The following ELAPOR2 variants were observed in gnomAD, a reference collection of about 807,000 sequenced individuals.
ELAPOR2 encodes endosome/lysosome-associated apoptosis and autophagy regulator family member 2.
Under a neutral mutation model 120.7 loss-of-function variants are expected in ELAPOR2, and 89 were observed. That is an observed-to-expected ratio of 0.74 (90% confidence interval 0.62 to 0.88). The LOEUF (loss-of-function observed/expected upper bound fraction) is 0.88. Among genes scored for constraint, ELAPOR2 ranks in the 40% least tolerant of loss-of-function variants. The probability of loss-of-function intolerance (pLI) is 0.00; values close to 1 mark genes in which losing one functional copy is unlikely to be tolerated. For synonymous variants in ELAPOR2, 444 were observed against 444.9 expected, an observed-to-expected ratio of 1.00 and a Z score of 0.03; for missense variants, 1,134 against 1,251.6, an observed-to-expected ratio of 0.91 and a Z score of 1.42.
chr7:86,926,988 A>T, intron 8 of ELAPOR2, 72 bp from the exon 9 acceptor site: 6 of 1,367,774 alleles, frequency 4.4e-6, no homozygotes, highest in Non-Finnish European at 5.7e-6. Flanking sequence ...TTAAACTGGC[A>T]GTATAGGAAA....
At chr7:87,046,229 G>A (rs1256195874) in intron 1 of ELAPOR2, among the ~76,000 whole-genome samples, 1 of 151,990 alleles carries the variant, frequency 6.6e-6, no homozygotes, top group Non-Finnish European at 1.5e-5. Context: ...AAATACCTAG[G>A]AATCAACTTA....
At chr7:86,907,573 C>A in intron 18 of ELAPOR2, 97 bp downstream of exon 18, 1 of 752,880 alleles carries the variant, frequency 1.3e-6, no homozygotes, top group Non-Finnish European at 2.1e-6. Context: ...TGTTTTCTTT[C>A]TGCTTTATGT....
chr7:86,882,805 A>C (rs552544615), intron 21 of ELAPOR2, among the ~76,000 whole-genome samples: 212 of 152,282 alleles, frequency 1.4e-3, no homozygotes, highest in African/African-American at 4.7e-3. Flanking sequence ...TGGACAAATA[A>C]GTGAACCTCG....
chr7:86,901,753 C>T (rs555394438), intron 18 of ELAPOR2, among the ~76,000 whole-genome samples: 12 of 152,212 alleles, frequency 7.9e-5, no homozygotes, highest in Non-Finnish European at 1.5e-4. Context: ...GAGTGAGCTC[C>T]CCACGTTGGG....
At chr7:86,893,240 T>C (rs1295875030) in intron 19 of ELAPOR2, 140 bp from the exon 20 acceptor site, 13 of 589,432 alleles carry the variant, frequency 2.2e-5, no homozygotes, top group East Asian at 1.6e-4. Flanking sequence ...ACAGTAGGCA[T>C]AGAGGATTAT....
At chr7:86,993,246 A>AAAAAAAAAAAAAAAAAAAAAG (rs796528835) in intron 1 of ELAPOR2, among the ~76,000 whole-genome samples, 1 of 144,034 alleles carries the variant, frequency 6.9e-6, no homozygotes, top group African/African-American at 2.6e-5. Flanking sequence ...AAAAAAAAAA[A>AAAAAAAAAAAAAAAAAAAAAG]AAAAGAAAAA....
chr7:86,947,562 A>G (rs1445680883), intron 3 of ELAPOR2, among the ~76,000 whole-genome samples, 165 bp downstream of exon 3: 1 of 152,244 alleles, frequency 6.6e-6, no homozygotes, highest in African/African-American at 2.4e-5. Flanking sequence ...TTTTAACCTC[A>G]TGAAAACTCA....
chr7:86,918,323 C>CAA (rs370415220), intron 12 of ELAPOR2, 119 bp downstream of exon 12: 3,614 of 172,718 alleles, frequency 0.021, 28 homozygotes, highest in Non-Finnish European at 0.025. Flanking sequence ...CTAAGAATAG[C>CAA]AAAAAAAAAA....
At position 87,021,032 on chromosome 7, in the gene ELAPOR2, G is replaced by A. The variant is rs535940056; in HGVS notation, c.189+38293C>T. Among the ~76,000 whole-genome samples, 11 of 152,042 alleles carry A rather than the reference G, an allele frequency of 7.2e-5. 2 individuals carry two copies. The highest frequency in any genetic ancestry group is 2.7e-4 in the African/African-American group (11 of 41,500). On this transcript the variant is annotated intron_variant, in intron 1 of 21. Transcript: ENST00000450689. ...ATGTTTAATCCTCACAACTCTATGG[G>A]GTAGGTATTATTAATTTCTATTATG...
chr7:86,907,777 G>A lies in ELAPOR2; in HGVS notation c.2457-6C>T, dbSNP rs766525967. ...ATGTTGTTGCTGTAGAAGACCTATT[G>A]TAAGCCAAATAACATTTTTAAAAAA... On this transcript the variant is annotated splice_region_variant and splice_polypyrimidine_tract_variant and intron_variant, in intron 17 of 21. Transcript: ENST00000450689. 2.0e-6 allele frequency: 3 copies of A among 1,511,444 alleles called. No individual in the cohort carries two copies. Among genetic ancestry groups the A allele is most frequent in the Admixed American group, 2.5e-5 (1 of 40,082 alleles). The allele number at this position is 1,511,444 out of a possible 1,614,324, so 93.6% of individuals were successfully genotyped here.
At position 87,041,187 on chromosome 7, in the gene ELAPOR2, T is replaced by C. The variant is rs1048244953; in HGVS notation, c.189+18138A>G. On this transcript the variant is annotated intron_variant, in intron 1 of 21. Transcript: ENST00000450689. ...GAATGGAACCAAGTTGGAAAACACG[T>C]TGCAGGATGTTATCCAGGAGAACTT... Among the ~76,000 whole-genome samples the C allele has an allele frequency of 4.1e-3, 626 of 151,162 alleles. 2 individuals carry two copies. The highest frequency in any genetic ancestry group is 0.015 in the African/African-American group (595 of 40,500).
chr7:86,906,158 A>T (rs962380124), intron 18 of ELAPOR2, among the ~76,000 whole-genome samples: 2 of 152,252 alleles, frequency 1.3e-5, no homozygotes, highest in African/African-American at 4.8e-5. Context: ...TGCTGTAGTA[A>T]ATAGAATAAG....
chr7:86,883,775 T>C (rs935759447), intron 21 of ELAPOR2, among the ~76,000 whole-genome samples: 1 of 152,210 alleles, frequency 6.6e-6, no homozygotes, highest in African/African-American at 2.4e-5. Context: ...TACATGTTAC[T>C]CTCAGGGGTG....
In ELAPOR2 at chr7:86,880,295, A is replaced by G; in HGVS notation, c.*176T>C. ...TTTGCTTTCCTTTATTTGGCAAGGTACTTGACCATGTGATAAGGCAATCAA... is the reference window on the plus strand; with the variant it reads ...TTTGCTTTCCTTTATTTGGCAAGGTGCTTGACCATGTGATAAGGCAATCAA... On this transcript the variant is annotated 3_prime_UTR_variant, in exon 22 of 22. Transcript: ENST00000450689. 1 of 640,624 alleles carries G rather than the reference A, an allele frequency of 1.6e-6. No individual in the cohort carries two copies. 39.7% of individuals were successfully genotyped at this position (640,624 alleles called of 1,614,324 possible).
intron 4 of ELAPOR2, among the ~76,000 whole-genome samples, chr7:86,943,987 T>C (rs1790902357): frequency 6.6e-6 from 1 of 152,062 alleles, no homozygotes; most frequent in Non-Finnish European, 1.5e-5. Context: ...ATCTCTTGAC[T>C]TCAAATCTAA....
chr7:87,028,952 T>A (rs1052746925), intron 1 of ELAPOR2, among the ~76,000 whole-genome samples: 1 of 152,190 alleles, frequency 6.6e-6, no homozygotes, highest in African/African-American at 2.4e-5. Context: ...TGCATTTGCA[T>A]TTGTTATTCC....
intron 1 of ELAPOR2, among the ~76,000 whole-genome samples, chr7:87,003,143 C>A (rs1793370648): frequency 6.6e-6 from 1 of 152,070 alleles, no homozygotes; most frequent in East Asian, 1.9e-4. Context: ...AAGAGCATTT[C>A]TCTGATAAGG....
At chr7:86,997,672 C>T (rs894860053) in intron 1 of ELAPOR2, among the ~76,000 whole-genome samples, 2 of 152,124 alleles carry the variant, frequency 1.3e-5, no homozygotes, top group African/African-American at 4.8e-5. Context: ...GATTACACCC[C>T]TGAGTCTGAC....
intron 18 of ELAPOR2, among the ~76,000 whole-genome samples, chr7:86,901,819 C>T (rs1468003941): frequency 6.6e-6 from 1 of 152,154 alleles, no homozygotes; most frequent in Non-Finnish European, 1.5e-5. Context: ...ATTCCTCTCA[C>T]CTTTGGCATC....
Sources: gnomAD v4.1 joint callset for allele counts (sites outside exome capture counted in the v4.1 genomes callset) on GRCh38, gnomAD v4.1.1 for gene constraint, MANE v1.5 for transcripts, NCBI Gene and HGNC (gene_info 2026-07-23, HGNC 2026-07-21) for gene names.